Variants in AKT3 observed in about 807,000 individuals in gnomAD.
AKT3 encodes RAC-gamma serine/threonine-protein kinase.
Under a neutral mutation model 65.3 loss-of-function variants are expected in AKT3, and 15 were observed. That is an observed-to-expected ratio of 0.23 (90% CI 0.15 to 0.35). The LOEUF (loss-of-function observed/expected upper bound fraction) is 0.35. Ranked by LOEUF, AKT3 falls within the 10% of genes least tolerant of loss-of-function variation. AKT3 has a pLI of 1.00. For synonymous variants in AKT3, 206 were observed against 183.8 expected (o/e 1.12, Z -0.98); for missense variants, 243 against 576.5 (o/e 0.42, Z 5.92).
At chr1:243,759,068 C>G (rs569950355) in intron 2 of AKT3, among the ~76,000 whole-genome samples, 1 of 152,322 alleles carries the variant, frequency 6.6e-6, no homozygotes, top group Admixed American at 6.5e-5. Flanking sequence ...AATCCCAGCA[C>G]TTTGGGAGGC....
intron 8 of AKT3, among the ~76,000 whole-genome samples, chr1:243,601,147 A>T (rs1383585531): frequency 6.6e-6 from 1 of 152,144 alleles, no homozygotes; most frequent in Non-Finnish European, 1.5e-5. Flanking sequence ...ACAATTTCCC[A>T]TTATGAAATG....
Position 243,504,925 on chromosome 1 carries a change from G to A in AKT3, c.*324C>T, listed in dbSNP as rs1208037855. 1 of 300,444 alleles carries A rather than the reference G, an allele frequency of 3.3e-6. No homozygotes were observed. Among genetic ancestry groups the A allele is most frequent in the Non-Finnish European group, 6.1e-6 (1 of 163,410 alleles). 18.6% of individuals were successfully genotyped at this position (300,444 alleles called of 1,614,324 possible). Reference sequence around the variant, plus strand: ...ACTAAAAGATCAAAAGATGATAATTGGTGCACAAATGAACAATGGTGGGCT... The same window carrying A: ...ACTAAAAGATCAAAAGATGATAATTAGTGCACAAATGAACAATGGTGGGCT... On this transcript the variant is annotated 3_prime_UTR_variant, in exon 14 of 14. Coordinates refer to ENST00000673466, the MANE Select transcript of AKT3 (RefSeq NM_005465.7).
intron 2 of AKT3, among the ~76,000 whole-genome samples, chr1:243,760,382 C>A (rs923258909): frequency 6.9e-6 from 1 of 145,062 alleles, no homozygotes; most frequent in African/African-American, 2.5e-5. Flanking sequence ...CAGCTTCAGC[C>A]TCCCAAAGTG....
chr1:243,529,850 T>C (rs1431520699), intron 12 of AKT3, among the ~76,000 whole-genome samples: 2 of 152,212 alleles, frequency 1.3e-5, no homozygotes, highest in African/African-American at 2.4e-5. Flanking sequence ...CCTTGGTAGT[T>C]TGAATAAGAA....
At chr1:243,647,123 G>A (rs1486083802) in intron 4 of AKT3, among the ~76,000 whole-genome samples, 3 of 152,100 alleles carry the variant, frequency 2.0e-5, no homozygotes, top group Non-Finnish European at 4.4e-5. Flanking sequence ...ATTTCCCAAT[G>A]CAATGTTTGT....
chr1:243,647,533 G>A lies in AKT3; in HGVS notation c.285-1496C>T, dbSNP rs972886688. ...CACAAGACTGTTCTTTTATGCTATT[G>A]TGGAGGGTTTTATTTCACTTTCTAA... On this transcript the variant is annotated intron_variant, in intron 4 of 13. Coordinates refer to ENST00000673466, the MANE Select transcript of AKT3 (RefSeq NM_005465.7). Among the ~76,000 whole-genome samples the A allele has an allele frequency of 3.3e-5, 5 of 152,156 alleles. No individual in the cohort carries two copies. The East Asian group carries it at 5.8e-4, about 18-fold the overall frequency.
intron 1 of AKT3, among the ~76,000 whole-genome samples, chr1:243,844,251 T>C (rs1190100303): frequency 6.6e-6 from 1 of 152,138 alleles, no homozygotes; most frequent in Non-Finnish European, 1.5e-5. Flanking sequence ...CTCACACAGA[T>C]AAACCAACTT....
chr1:243,511,122 G>A (rs910049158), intron 13 of AKT3, among the ~76,000 whole-genome samples: 2 of 152,256 alleles, frequency 1.3e-5, no homozygotes, highest in African/African-American at 4.8e-5. Context: ...GACTGACCAT[G>A]AGTAGCTCAC....
intron 8 of AKT3, among the ~76,000 whole-genome samples, chr1:243,601,944 A>C (rs1045435470): frequency 1.3e-5 from 2 of 151,762 alleles, no homozygotes; most frequent in Non-Finnish European, 1.5e-5. Context: ...TGAAATACCC[A>C]CTCTGTGGTA....
chr1:243,566,192 G>A (rs755316090), intron 9 of AKT3, among the ~76,000 whole-genome samples: 14 of 152,194 alleles, frequency 9.2e-5, no homozygotes, highest in African/African-American at 1.7e-4. Flanking sequence ...ACCTAGCTCC[G>A]TGTGTGTGTA....
At chr1:243,679,964 T>C (rs889884031) in intron 3 of AKT3, among the ~76,000 whole-genome samples, 1 of 152,138 alleles carries the variant, frequency 6.6e-6, no homozygotes, top group Admixed American at 6.6e-5. Flanking sequence ...ACAATGCATA[T>C]GAAATAGTGC....
rs1236778952 is a variant in AKT3 at position 243,503,967 on chromosome 1, CT to C, written c.*1281del. 1 of 225,976 alleles carries C rather than the reference CT, an allele frequency of 4.4e-6. No individual in the cohort carries two copies. 14.0% of individuals were successfully genotyped at this position (225,976 alleles called of 1,614,324 possible). ...CAACAGCTATTTGTTTCATTAACCC[CT>C]TGGCATGCATAGTTGGGGATTTTCT... On this transcript the variant is annotated 3_prime_UTR_variant, in exon 14 of 14. Transcript: ENST00000673466.
chr1:243,589,077 G>A (rs1038121433), intron 8 of AKT3, among the ~76,000 whole-genome samples: 2 of 152,050 alleles, frequency 1.3e-5, no homozygotes, highest in African/African-American at 4.8e-5. Context: ...AGAGGCTGAG[G>A]AGGATGGATC....
chr1:243,506,428 G>C (rs1383233632), intron 13 of AKT3, among the ~76,000 whole-genome samples: 1 of 152,228 alleles, frequency 6.6e-6, no homozygotes, highest in East Asian at 1.9e-4. Flanking sequence ...TCTCCAGGGA[G>C]CATCCGCTGG....
intron 9 of AKT3, among the ~76,000 whole-genome samples, chr1:243,571,990 ATTACG>A (rs1422835936): frequency 6.6e-6 from 1 of 152,218 alleles, no homozygotes; most frequent in Non-Finnish European, 1.5e-5. Context: ...TCTACCAATC[ATTACG>A]TTACATGAAA....
chr1:243,766,072 T>C (rs990122226), intron 2 of AKT3, among the ~76,000 whole-genome samples: 33 of 152,218 alleles, frequency 2.2e-4, no homozygotes, highest in Admixed American at 6.5e-4. Flanking sequence ...TATTTGTGCC[T>C]GTATTCTCAA....
chr1:243,727,823 C>CA (rs1687307926), intron 2 of AKT3, among the ~76,000 whole-genome samples: 1 of 151,894 alleles, frequency 6.6e-6, no homozygotes, highest in Admixed American at 6.6e-5. Flanking sequence ...TTGTAAGTAT[C>CA]AAACTAAAAA....
chr1:243,750,583 CTTTTTT>C (rs1366859334), intron 2 of AKT3, among the ~76,000 whole-genome samples: 8 of 140,464 alleles, frequency 5.7e-5, no homozygotes, highest in Non-Finnish European at 1.1e-4. Flanking sequence ...TAAGGCTAAT[CTTTTTT>C]TTTTTTTTTT....
At chr1:243,608,505 G>A (rs1184355214) in intron 8 of AKT3, among the ~76,000 whole-genome samples, 4 of 152,126 alleles carry the variant, frequency 2.6e-5, no homozygotes, top group Non-Finnish European at 4.4e-5. Flanking sequence ...AAAGATTTGA[G>A]TGTGCTGCCA....
Sources: gnomAD v4.1 joint callset for allele counts (sites outside exome capture counted in the v4.1 genomes callset) on GRCh38, gnomAD v4.1.1 for gene constraint, MANE v1.5 for transcripts, NCBI Gene and HGNC (gene_info 2026-07-23, HGNC 2026-07-21) for gene names.